The following C1orf87 variants were observed in gnomAD, a reference collection of about 807,000 sequenced individuals.
The protein encoded by C1orf87 is chromosome 1 open reading frame 87, also known as uncharacterized protein C1orf87.
A neutral mutation model predicts 60.5 loss-of-function variants in C1orf87; 58 were observed. The ratio of observed to expected loss-of-function variants is 0.96; its 90% CI spans 0.78 to 1.19. The LOEUF (loss-of-function observed/expected upper bound fraction) is 1.19. Ranked by LOEUF, C1orf87 falls within the 50% of genes most tolerant of loss-of-function variation. The pLI is 0.00. For synonymous variants in C1orf87, 236 were observed against 227.4 expected (o/e 1.04, Z -0.34); for missense variants, 673 against 638.6 (o/e 1.05, Z -0.58).
intron 8 of C1orf87, among the ~76,000 whole-genome samples, chr1:60,018,024 T>C (rs575595255): frequency 6.6e-6 from 1 of 152,206 alleles, no homozygotes. Flanking sequence ...TTATTGATTC[T>C]AAAGGACATT....
chr1:60,021,602 A>T (rs1365111981), intron 8 of C1orf87, among the ~76,000 whole-genome samples: 1 of 152,192 alleles, frequency 6.6e-6, no homozygotes, highest in African/African-American at 2.4e-5. Context: ...GTTCAAGTCA[A>T]TAAATATTTA....
chr1:60,039,657 C>A (rs893567585), intron 5 of C1orf87, among the ~76,000 whole-genome samples: 4 of 152,132 alleles, frequency 2.6e-5, no homozygotes, highest in Non-Finnish European at 4.4e-5. Context: ...TGTAACTACC[C>A]TAACATTGTT....
chr1:60,049,278 G>A (rs978406953), intron 3 of C1orf87, among the ~76,000 whole-genome samples: 6 of 151,906 alleles, frequency 3.9e-5, no homozygotes, highest in Non-Finnish European at 5.9e-5. Context: ...GCCAAATTAT[G>A]TTATCAATTT....
rs562747506 is a variant in C1orf87, at chr1:60,020,124, C to G, written c.1127+5277G>C. Among the ~76,000 whole-genome samples the G allele has an allele frequency of 2.0e-5, 3 of 152,158 alleles. No homozygotes were observed. In the South Asian group the frequency reaches 6.2e-4, roughly 32 times the overall value. ...CATTTCAGAGATCCTGGCAGCTCCT[C>G]CCATCACAGGCCTGGAAGTCTAGGA... On this transcript the variant is annotated intron_variant, in intron 8 of 11. Transcript: ENST00000371201.
chr1:60,064,597 A>G (rs1247490865), intron 2 of C1orf87, among the ~76,000 whole-genome samples: 34 of 106,380 alleles, frequency 3.2e-4, no homozygotes, highest in African/African-American at 1.2e-3. Context: ...TATAATATAT[A>G]TATGTCCTAT....
At chr1:60,003,694 C>T (rs1032275096) in intron 9 of C1orf87, among the ~76,000 whole-genome samples, 1 of 152,058 alleles carries the variant, frequency 6.6e-6, no homozygotes, top group East Asian at 1.9e-4. Context: ...CATGTGATTT[C>T]ATAACCTTCT....
chr1:60,064,755 T>A (rs1477214642), intron 2 of C1orf87, among the ~76,000 whole-genome samples: 4 of 96,694 alleles, frequency 4.1e-5, no homozygotes, highest in African/African-American at 1.7e-4. Context: ...ATTAAATATA[T>A]AAATATATAA....
At position 60,028,840 on chromosome 1, in the gene C1orf87, CT is replaced by C. The variant is rs958541335; in HGVS notation, c.1030-3343del. Among the ~76,000 whole-genome samples the C allele has an allele frequency of 1.6e-3, 238 of 145,296 alleles. 2 individuals are homozygous for C. The highest frequency in any genetic ancestry group is 3.5e-3 in the Middle Eastern group (1 of 284). The stretch of plus-strand genomic sequence containing the variant: ...TTCTCCAAACTCTCTTTGTTTTTTG[CT>C]TTTTTTTTTTCCACTCCCATGTCTC... On this transcript the variant is annotated intron_variant, in intron 7 of 11. Coordinates refer to ENST00000371201, the MANE Select transcript of C1orf87 (RefSeq NM_152377.3).
intron 2 of C1orf87, among the ~76,000 whole-genome samples, chr1:60,064,991 A>G (rs1315729450): frequency 5.8e-5 from 1 of 17,208 alleles, no homozygotes; most frequent in African/African-American, 2.0e-4. Context: ...ATTATAAAAT[A>G]CATATAAATA....
intron 2 of C1orf87, among the ~76,000 whole-genome samples, chr1:60,064,170 T>A (rs912899344): frequency 2.1e-5 from 3 of 145,906 alleles, no homozygotes; most frequent in African/African-American, 7.6e-5. Flanking sequence ...CTGGCTCTCC[T>A]TGTTCTTCAC....
At chr1:60,061,633 C>A (rs1031890692) in intron 2 of C1orf87, among the ~76,000 whole-genome samples, 1 of 151,774 alleles carries the variant, frequency 6.6e-6, no homozygotes, top group East Asian at 1.9e-4. Context: ...CCTCTGTGGA[C>A]TTACTCTATC....
intron 9 of C1orf87, chr1:60,008,581 A>G (rs1645061732): frequency 3.2e-6 from 1 of 314,092 alleles, no homozygotes; most frequent in Non-Finnish European, 6.4e-6. Context: ...GGAAATTTAG[A>G]CCTATAGAGA....
At chr1:60,055,752 T>G (rs1050241067) in intron 2 of C1orf87, among the ~76,000 whole-genome samples, 1 of 152,202 alleles carries the variant, frequency 6.6e-6, no homozygotes, top group Admixed American at 6.5e-5. Flanking sequence ...ATCACATTTC[T>G]TACTTGTAAA....
At chr1:60,021,723 G>A (rs963078627) in intron 8 of C1orf87, among the ~76,000 whole-genome samples, 2 of 152,186 alleles carry the variant, frequency 1.3e-5, no homozygotes, top group Non-Finnish European at 2.9e-5. Flanking sequence ...CTGTCAGGGA[G>A]ATACAGATAA....
intron 9 of C1orf87, among the ~76,000 whole-genome samples, chr1:60,003,377 C>G (rs1232369378): frequency 4.0e-5 from 6 of 151,368 alleles, no homozygotes; most frequent in South Asian, 2.1e-4. Context: ...TGATAGATAA[C>G]GAGTTAGTGG....
intron 9 of C1orf87, among the ~76,000 whole-genome samples, chr1:60,001,461 A>G (rs586404): frequency 0.42 from 63,808 of 151,912 alleles, 14,844 homozygotes; most frequent in African/African-American, 0.62. Flanking sequence ...ACTTCTTTGG[A>G]GGCCGGGGTA....
intron 7 of C1orf87, among the ~76,000 whole-genome samples, chr1:60,030,641 T>C (rs634094): frequency 0.38 from 58,326 of 152,148 alleles, 11,555 homozygotes; most frequent in South Asian, 0.51. Context: ...TTGAAGAATA[T>C]GGATTGTGTA....
At chr1:60,064,369 A>G (rs963971102) in intron 2 of C1orf87, among the ~76,000 whole-genome samples, 37 of 142,232 alleles carry the variant, frequency 2.6e-4, no homozygotes, top group Middle Eastern at 3.6e-3. Context: ...TAATATATAT[A>G]TACACACACA....
intron 8 of C1orf87, among the ~76,000 whole-genome samples, chr1:60,019,997 G>T (rs950728076): frequency 6.6e-6 from 1 of 152,190 alleles, no homozygotes; most frequent in African/African-American, 2.4e-5. Context: ...GAAAGGAAAA[G>T]CACATTTTCT....
Sources: gnomAD v4.1 joint callset for allele counts (sites outside exome capture counted in the v4.1 genomes callset) on GRCh38, gnomAD v4.1.1 for gene constraint, MANE v1.5 for transcripts, NCBI Gene and HGNC (gene_info 2026-07-23, HGNC 2026-07-21) for gene names.